The following NTM variants were observed in gnomAD, a reference collection of about 807,000 sequenced individuals.
NTM encodes the protein IgLON family member 2.
In NTM, 13 loss-of-function variants were observed where a neutral mutation model predicts 42.1. The ratio of observed to expected loss-of-function variants is 0.31; its 90% CI spans 0.20 to 0.49. NTM has a LOEUF of 0.49. Among genes scored for constraint, NTM ranks in the 20% least tolerant of loss-of-function variants. The pLI is 0.99. For missense variants in NTM, 373 were observed against 452.8 expected (o/e 0.82, Z 1.60); for synonymous variants, 187 against 179.2 (o/e 1.04, Z -0.35).
chr11:131,511,590 C>T (rs1358508182), intron 1 of NTM, among the ~76,000 whole-genome samples: 3 of 152,146 alleles, frequency 2.0e-5, no homozygotes, highest in Non-Finnish European at 4.4e-5. Flanking sequence ...AACAGAAACC[C>T]CGAGGTTATA....
intron 2 of NTM, among the ~76,000 whole-genome samples, chr11:132,052,169 A>G (rs1265862356): frequency 6.6e-6 from 1 of 152,240 alleles, no homozygotes; most frequent in Non-Finnish European, 1.5e-5. Context: ...ACAGATATTT[A>G]TCCCAAGGAG....
intron 1 of NTM, among the ~76,000 whole-genome samples, chr11:131,870,102 G>T (rs533423397): frequency 2.0e-5 from 3 of 152,178 alleles, no homozygotes; most frequent in South Asian, 2.1e-4. Flanking sequence ...ATTCTGGCTC[G>T]AGTCTTTGCT....
intron 1 of NTM, among the ~76,000 whole-genome samples, chr11:131,447,362 C>A (rs1220621122): frequency 6.6e-6 from 1 of 152,182 alleles, no homozygotes; most frequent in Non-Finnish European, 1.5e-5. Context: ...AAGAGACCCC[C>A]CTTCCCTTTG....
intron 1 of NTM, among the ~76,000 whole-genome samples, chr11:131,411,176 G>A (rs1200955267): frequency 2.0e-5 from 3 of 152,200 alleles, no homozygotes; most frequent in African/African-American, 4.8e-5. Context: ...CTCCTCCTGG[G>A]GGTTTTAATC....
At chr11:131,595,039 T>C (rs547782490) in intron 1 of NTM, among the ~76,000 whole-genome samples, 1 of 152,344 alleles carries the variant, frequency 6.6e-6, no homozygotes, top group Non-Finnish European at 1.5e-5. Context: ...GTATGCAGAA[T>C]GCTTAGCCCA....
chr11:131,866,219 G>A (rs1428634220), intron 1 of NTM, among the ~76,000 whole-genome samples: 3 of 152,218 alleles, frequency 2.0e-5, no homozygotes, highest in African/African-American at 2.4e-5. Flanking sequence ...ACACATGCAT[G>A]CGTTGGCAGG....
intron 1 of NTM, among the ~76,000 whole-genome samples, chr11:131,688,299 T>C (rs2074199799): frequency 6.6e-6 from 1 of 152,178 alleles, no homozygotes; most frequent in East Asian, 1.9e-4. Flanking sequence ...CCTCCTTCCG[T>C]GCCCCTCCTG....
chr11:131,463,401 A>G (rs1035866551), intron 1 of NTM, among the ~76,000 whole-genome samples: 1 of 152,218 alleles, frequency 6.6e-6, no homozygotes, highest in East Asian at 1.9e-4. Context: ...ACCTGGGCAC[A>G]GCTGAGCCAA....
chr11:131,711,649 A>G (rs1177526088), intron 1 of NTM, among the ~76,000 whole-genome samples: 2,897 of 152,190 alleles, frequency 0.019, 78 homozygotes, highest in African/African-American at 0.064. Context: ...CCAAAGGACT[A>G]TAAATCATGC....
At chr11:132,122,852 A>G (rs1403133187) in intron 2 of NTM, among the ~76,000 whole-genome samples, 1 of 152,156 alleles carries the variant, frequency 6.6e-6, no homozygotes, top group Non-Finnish European at 1.5e-5. Context: ...AGTGGTGCCC[A>G]GAATTAGATT....
At chr11:132,280,343 T>C (rs1222841131) in intron 4 of NTM, among the ~76,000 whole-genome samples, 1 of 152,112 alleles carries the variant, frequency 6.6e-6, no homozygotes, top group Non-Finnish European at 1.5e-5. Flanking sequence ...TACAGGACAC[T>C]CCAGCAGAAA....
chr11:132,292,995 CAG>C (rs1002796018), intron 4 of NTM, among the ~76,000 whole-genome samples: 21 of 151,932 alleles, frequency 1.4e-4, no homozygotes, highest in African/African-American at 5.1e-4. Flanking sequence ...GAGTAGGTCA[CAG>C]AAGACAGCAG....
intron 1 of NTM, among the ~76,000 whole-genome samples, chr11:131,387,823 A>G (rs1049151583): frequency 6.6e-6 from 1 of 152,212 alleles, no homozygotes; most frequent in Non-Finnish European, 1.5e-5. Context: ...AAAAAGGAGA[A>G]CAAAAGTTTG....
chr11:131,939,585 G>A (rs1213775534), intron 2 of NTM, among the ~76,000 whole-genome samples: 1 of 152,108 alleles, frequency 6.6e-6, no homozygotes, highest in African/African-American at 2.4e-5. Flanking sequence ...GAGAGCAGAG[G>A]TGAGAGGTAG....
chr11:131,967,759 G>A (rs2063018602), intron 2 of NTM, among the ~76,000 whole-genome samples: 2 of 152,114 alleles, frequency 1.3e-5, no homozygotes, highest in African/African-American at 4.8e-5. Context: ...TTTGCTTCCT[G>A]GGGGCATAGC....
At chr11:131,552,504 CAAAAA>C (rs36101549) in intron 1 of NTM, among the ~76,000 whole-genome samples, 1 of 73,124 alleles carries the variant, frequency 1.4e-5, no homozygotes. Flanking sequence ...GACTCCGTCT[CAAAAA>C]AAAAAAAAAA....
chr11:131,415,131 G>T (rs2135783360), intron 1 of NTM, among the ~76,000 whole-genome samples: 1 of 152,318 alleles, frequency 6.6e-6, no homozygotes, highest in Non-Finnish European at 1.5e-5. Flanking sequence ...ATTGGAATGG[G>T]GTTGAGCTGT....
intron 3 of NTM, among the ~76,000 whole-genome samples, chr11:132,189,741 T>G (rs1214291633): frequency 6.6e-6 from 1 of 152,136 alleles, no homozygotes; most frequent in Non-Finnish European, 1.5e-5. Flanking sequence ...GTGTCAATAG[T>G]TATGTCATAG....
At chr11:132,196,778 G>C (rs1346007881) in intron 3 of NTM, among the ~76,000 whole-genome samples, 1 of 152,074 alleles carries the variant, frequency 6.6e-6, no homozygotes, top group Non-Finnish European at 1.5e-5. Context: ...ACTTGAGAGG[G>C]GGAGGATGGG....
Sources: allele counts gnomAD v4.1 joint callset (sites outside exome capture counted in the v4.1 genomes callset), GRCh38; gene constraint gnomAD v4.1.1; transcripts MANE v1.5; gene names NCBI Gene and HGNC (gene_info 2026-07-23, HGNC 2026-07-21).